LRRC4C: variants seen among roughly 807,000 people sequenced by gnomAD.
LRRC4C encodes the protein leucine-rich repeat-containing protein 4C.
In LRRC4C, 5 loss-of-function variants were observed where a neutral mutation model predicts 33.6. That is an observed-to-expected ratio of 0.15 (90% CI 0.08 to 0.31). The LOEUF (loss-of-function observed/expected upper bound fraction) is 0.31. Among genes scored for constraint, LRRC4C ranks in the 10% least tolerant of loss-of-function variants. The pLI is 1.00. For missense variants in LRRC4C, 560 were observed against 796.7 expected, an observed-to-expected ratio of 0.70 and a Z score of 3.58; for synonymous variants, 329 against 302.0, an observed-to-expected ratio of 1.09 and a Z score of -0.93.
At chr11:41,392,851 T>C (rs1953658194) in intron 1 of LRRC4C, among the ~76,000 whole-genome samples, 1 of 151,860 alleles carries the variant, frequency 6.6e-6, no homozygotes, top group African/African-American at 2.4e-5. Context: ...CCTGGAGTCT[T>C]CTGAGAGAGC....
chr11:40,867,762 C>A (rs1954440295), intron 2 of LRRC4C, among the ~76,000 whole-genome samples: 1 of 152,150 alleles, frequency 6.6e-6, no homozygotes, highest in African/African-American at 2.4e-5. Context: ...TCTAAAGTGA[C>A]AGCCATATCA....
intron 6 of LRRC4C, among the ~76,000 whole-genome samples, chr11:40,135,842 A>G (rs1856932725): frequency 6.6e-6 from 1 of 152,216 alleles, no homozygotes; most frequent in Non-Finnish European, 1.5e-5. Flanking sequence ...TTTCTATGCC[A>G]AAGGCATACC....
At chr11:40,469,700 G>A (rs1952832783) in intron 3 of LRRC4C, among the ~76,000 whole-genome samples, 1 of 152,144 alleles carries the variant, frequency 6.6e-6, no homozygotes, top group Non-Finnish European at 1.5e-5. Flanking sequence ...ATGAGGGCAG[G>A]GGTGTTCACC....
At chr11:40,123,870 G>T (rs143810981) in intron 6 of LRRC4C, among the ~76,000 whole-genome samples, 3,299 of 152,140 alleles carry the variant, frequency 0.022, 116 homozygotes, top group African/African-American at 0.068. Context: ...AAAACAGCAT[G>T]GTACTGGCAT....
At chr11:40,972,440 G>A (rs543044952) in intron 1 of LRRC4C, among the ~76,000 whole-genome samples, 1 of 152,204 alleles carries the variant, frequency 6.6e-6, no homozygotes, top group East Asian at 1.9e-4. Context: ...CCAAGCCTAT[G>A]TTTTAGAATG....
intron 1 of LRRC4C, among the ~76,000 whole-genome samples, chr11:41,081,650 C>A (rs1424269698): frequency 6.6e-6 from 1 of 151,890 alleles, no homozygotes; most frequent in Non-Finnish European, 1.5e-5. Flanking sequence ...TTGGGGTTTC[C>A]AATATTTTTC....
intron 1 of LRRC4C, among the ~76,000 whole-genome samples, chr11:41,044,378 A>G (rs1265215265): frequency 2.0e-5 from 3 of 152,170 alleles, no homozygotes; most frequent in African/African-American, 7.2e-5. Flanking sequence ...AGAATTCCCA[A>G]TGTGAGCACA....
At chr11:40,705,065 A>C (rs1946082152) in intron 2 of LRRC4C, among the ~76,000 whole-genome samples, 1 of 152,138 alleles carries the variant, frequency 6.6e-6, no homozygotes, top group Non-Finnish European at 1.5e-5. Context: ...ATGTGATTTA[A>C]TCCTCATTAC....
At chr11:40,890,953 C>A (rs1955678877) in intron 2 of LRRC4C, among the ~76,000 whole-genome samples, 1 of 152,062 alleles carries the variant, frequency 6.6e-6, no homozygotes, top group African/African-American at 2.4e-5. Context: ...TCGAAACTTG[C>A]CAGACTAGGT....
intron 2 of LRRC4C, among the ~76,000 whole-genome samples, chr11:40,664,808 G>T (rs1267224327): frequency 6.6e-6 from 1 of 151,804 alleles, no homozygotes; most frequent in African/African-American, 2.4e-5. Context: ...AAGTTCTAGG[G>T]TACATGTGCA....
rs1564996984 is a variant in LRRC4C, at chr11:40,114,328, C to A, written c.*42G>T. ...ATTTGTGTCATTTTTAATAAACTGT[C>A]TTTTTTTTTGATTGTTTGTTTTTTG... On this transcript the variant is annotated 3_prime_UTR_variant, in exon 7 of 7. Transcript: ENST00000528697. The A allele has an allele frequency of 3.3e-6, 5 of 1,494,786 alleles. No individual in the cohort carries two copies. The highest frequency in any genetic ancestry group is 4.5e-6 in the Non-Finnish European group (5 of 1,119,140). The allele number at this position is 1,494,786 out of a possible 1,614,324, so 92.6% of individuals were successfully genotyped here. A position where few individuals can be genotyped will look rare whatever the true frequency, so the allele number is the denominator to read the frequency against.
chr11:41,093,171 T>A (rs1386457147), intron 1 of LRRC4C, among the ~76,000 whole-genome samples: 5 of 152,172 alleles, frequency 3.3e-5, no homozygotes, highest in African/African-American at 4.8e-5. Context: ...AAGTCCCAAC[T>A]CCTCTGTTCT....
chr11:40,407,873 A>C (rs1950015980), intron 3 of LRRC4C, among the ~76,000 whole-genome samples: 2 of 152,090 alleles, frequency 1.3e-5, no homozygotes. Flanking sequence ...GAGCACGAAA[A>C]GAATTGGCAA....
chr11:40,816,525 C>T (rs150572287), intron 2 of LRRC4C, among the ~76,000 whole-genome samples: 44 of 152,316 alleles, frequency 2.9e-4, no homozygotes, highest in African/African-American at 9.9e-4. Flanking sequence ...ATGATAACCA[C>T]TGGCTTCACA....
intron 5 of LRRC4C, among the ~76,000 whole-genome samples, chr11:40,196,055 A>G (rs1862237426): frequency 1.3e-5 from 2 of 152,226 alleles, no homozygotes; most frequent in Non-Finnish European, 2.9e-5. Context: ...TTTCCCAGAA[A>G]GACATTTGTT....
intron 3 of LRRC4C, among the ~76,000 whole-genome samples, chr11:40,512,458 C>A (rs757273072): frequency 3.3e-5 from 5 of 152,138 alleles, no homozygotes; most frequent in African/African-American, 4.8e-5. Context: ...TTGTATCTCA[C>A]AGTTGTGTGG....
intron 1 of LRRC4C, among the ~76,000 whole-genome samples, chr11:41,098,742 AG>A (rs774174402): frequency 1.3e-5 from 2 of 152,094 alleles, no homozygotes; most frequent in African/African-American, 2.4e-5. Flanking sequence ...TGATTGAAAA[AG>A]TAATTTTTTA....
At chr11:40,988,226 T>C (rs1016458463) in intron 1 of LRRC4C, among the ~76,000 whole-genome samples, 7 of 152,200 alleles carry the variant, frequency 4.6e-5, no homozygotes, top group Non-Finnish European at 7.3e-5. Flanking sequence ...TCATTTCAAT[T>C]ACAGTTCTTC....
At chr11:40,777,081 C>A (rs1950030135) in intron 2 of LRRC4C, among the ~76,000 whole-genome samples, 1 of 152,112 alleles carries the variant, frequency 6.6e-6, no homozygotes, top group Non-Finnish European at 1.5e-5. Flanking sequence ...CCACTACGGT[C>A]TGAGAGTATG....
Sources: gnomAD v4.1 joint callset for allele counts (sites outside exome capture counted in the v4.1 genomes callset) on GRCh38, gnomAD v4.1.1 for gene constraint, MANE v1.5 for transcripts, NCBI Gene and HGNC (gene_info 2026-07-23, HGNC 2026-07-21) for gene names.